Variants in TRAP1 observed in about 807,000 individuals in gnomAD.
TRAP1 encodes heat shock protein 75 kDa, mitochondrial.
A neutral mutation model predicts 89.1 loss-of-function variants in TRAP1; 102 were observed. The ratio of observed to expected loss-of-function variants is 1.15; its 90% CI spans 0.98 to 1.35. The LOEUF is 1.35. Among genes scored for constraint, TRAP1 ranks in the 40% most tolerant of loss-of-function variants. The pLI is 0.00. For synonymous variants in TRAP1, 508 were observed against 388.0 expected, an observed-to-expected ratio of 1.31 and a Z score of -3.64; for missense variants, 1,256 against 945.3, an observed-to-expected ratio of 1.33 and a Z score of -4.31.
At chr16:3,662,490 TGGG>T in intron 15 of TRAP1, 3 of 519,156 alleles carry the variant, frequency 5.8e-6, no homozygotes, top group Non-Finnish European at 1.1e-5. Context: ...GACAGGTTGG[TGGG>T]GGGAGTCTTA....
intron 11 of TRAP1, among the ~76,000 whole-genome samples, chr16:3,670,440 C>G (rs1209630765): frequency 6.8e-6 from 1 of 147,168 alleles, no homozygotes; most frequent in Non-Finnish European, 1.5e-5. Flanking sequence ...GTGGCTCATG[C>G]CTGGAATCCC....
intron 8 of TRAP1, 109 bp downstream of exon 8, chr16:3,675,215 G>C (rs1305179598): frequency 9.7e-7 from 1 of 1,035,800 alleles, no homozygotes; most frequent in Admixed American, 2.1e-5. Context: ...AGAGCAGCTC[G>C]CCCTGTGACT....
chr16:3,707,076 T>C (rs1168004478), intron 1 of TRAP1, among the ~76,000 whole-genome samples: 2 of 152,126 alleles, frequency 1.3e-5, no homozygotes, highest in Non-Finnish European at 2.9e-5. Context: ...AATTTTTAAT[T>C]ATAGCCACCC....
chr16:3,680,510 G>C (rs1431410412), intron 4 of TRAP1, among the ~76,000 whole-genome samples: 1 of 152,252 alleles, frequency 6.6e-6, no homozygotes, highest in Non-Finnish European at 1.5e-5. Flanking sequence ...CCAGGAAGCA[G>C]GTGTTGGGAA....
Position 3,663,424 on chromosome 16 carries a change from C to T in TRAP1, c.1708G>A (p.Ala570Thr). The T allele has an allele frequency of 6.2e-7, 1 of 1,614,072 alleles. No homozygotes were observed. Among genetic ancestry groups the T allele is most frequent in the Non-Finnish European group, 8.5e-7 (1 of 1,179,984 alleles). The change falls in exon 14 of 18, where the codon GCC (alanine) becomes ACC (threonine). Residue 570 changes from alanine to threonine, a missense_variant and splice_region_variant. Transcript: ENST00000246957. ...CGCCTAGAGAGCAGGGGATGCCGAC[C>T]TGGGGACCTGTCCTCAAACTTCTCC... is the stretch of plus-strand genomic sequence containing the variant. ...KEEKFEDRSP[A>T]AECLSEKETE...
In TRAP1 at chr16:3,683,061, G is replaced by C. The variant is rs966885978; in HGVS notation, c.471+2935C>G. 2.0e-5 allele frequency among the ~76,000 whole-genome samples: 3 copies of C among 151,914 alleles called. No individual in the cohort carries two copies. In the East Asian group the frequency reaches 5.9e-4, roughly 30 times the overall value. On this transcript the variant is annotated intron_variant, in intron 4 of 17. Coordinates refer to ENST00000246957, the MANE Select transcript of TRAP1 (RefSeq NM_016292.3). ...CACATACCTGTAATCCCAGCTACTCGAGAGACTGAAGGCAAGAGAATTGCT... is the reference window on the plus strand; with the variant it reads ...CACATACCTGTAATCCCAGCTACTCCAGAGACTGAAGGCAAGAGAATTGCT...
rs149389478 is a variant in TRAP1 at position 3,698,380 on chromosome 16, G to A, written c.89-7395C>T. 2.7e-4 allele frequency among the ~76,000 whole-genome samples: 41 copies of A among 150,666 alleles called. No individual in the cohort carries two copies. In the East Asian group the frequency reaches 5.6e-3, roughly 20 times the overall value. ...AGGCTGCAGTGCAGGGCGCCATCTC[G>A]GCTCACTGCAAGCTCCGCCTCCCGG... On this transcript the variant is annotated intron_variant, in intron 1 of 17. Transcript: ENST00000246957.
intron 6 of TRAP1, 108 bp downstream of exon 6, chr16:3,677,390 G>A (rs1460275354): frequency 7.0e-7 from 1 of 1,434,094 alleles, no homozygotes; most frequent in South Asian, 1.2e-5. Flanking sequence ...CATATAAAAA[G>A]CCCAGAAAAT....
rs1292580223 is a variant in TRAP1 at position 3,694,564 on chromosome 16, C to T, written c.89-3579G>A. Among the ~76,000 whole-genome samples, 5 of 152,282 alleles carry T rather than the reference C, an allele frequency of 3.3e-5. No homozygotes were observed. In the South Asian group the frequency reaches 8.3e-4, roughly 25 times the overall value. ...TGTTGGCCAGGCTGGTCTCCAACTC[C>T]TGACCTCAAGTGATCTGCCCACCTT... On this transcript the variant is annotated intron_variant, in intron 1 of 17. Transcript: ENST00000246957.
In TRAP1 at chr16:3,672,704, G is replaced by A; in HGVS notation, c.1161C>T (p.Ile387=). The change falls in exon 10 of 18, where the codon ATC becomes ATT. Residue 387 remains isoleucine, a synonymous_variant. Coordinates refer to ENST00000246957, the MANE Select transcript of TRAP1 (RefSeq NM_016292.3). ...CACGGACTCTGAGCAGCGTACCTCGGATGAAGCGCAGCCACTTGGGCAGGA... is the reference window on the plus strand; with the variant it reads ...CACGGACTCTGAGCAGCGTACCTCGAATGAAGCGCAGCCACTTGGGCAGGA... ...TDILPKWLRF[I]RGVVDSEDIP... is the part of the protein sequence containing the mutation. The A allele has an allele frequency of 6.2e-7, 1 of 1,608,014 alleles. No homozygotes were observed. Among genetic ancestry groups the A allele is most frequent in the South Asian group, 1.1e-5 (1 of 89,742 alleles).
chr16:3,684,949 G>A (rs955188636), intron 4 of TRAP1, among the ~76,000 whole-genome samples: 3 of 152,258 alleles, frequency 2.0e-5, no homozygotes, highest in East Asian at 1.9e-4. Context: ...GAAGACAAAA[G>A]ACAAAACCAA....
chr16:3,689,762 C>A (rs2051188076), intron 2 of TRAP1: 1 of 152,396 alleles, frequency 6.6e-6, no homozygotes. Flanking sequence ...ATCACTTGAG[C>A]CAGGGAGGTC....
chr16:3,713,229 C>T (rs913001168), intron 1 of TRAP1, among the ~76,000 whole-genome samples: 8 of 152,208 alleles, frequency 5.3e-5, no homozygotes, highest in African/African-American at 9.6e-5. Context: ...ACACAAGACA[C>T]GGAAATCAAA....
At chr16:3,672,898 A>G in intron 9 of TRAP1, 78 bp from the exon 10 acceptor site, 1 of 1,524,954 alleles carries the variant, frequency 6.6e-7, no homozygotes, top group Non-Finnish European at 8.8e-7. Flanking sequence ...GGGGGCGGAC[A>G]CGATGAATCC....
chr16:3,716,122 G>A (rs1431255914), intron 1 of TRAP1, among the ~76,000 whole-genome samples: 1 of 152,204 alleles, frequency 6.6e-6, no homozygotes, highest in African/African-American at 2.4e-5. Context: ...CAAAGTGCTA[G>A]GATTACAGGC....
chr16:3,670,382 CAAAAAAAAAAAA>C (rs760902038), intron 11 of TRAP1, among the ~76,000 whole-genome samples: 31 of 22,844 alleles, frequency 1.4e-3, no homozygotes, highest in African/African-American at 2.7e-3. Context: ...GACTCCGTCT[CAAAAAAAAAAAA>C]AAAAAAAAAA....
At chr16:3,669,992 A>C (rs1204844786) in intron 11 of TRAP1, among the ~76,000 whole-genome samples, 1 of 152,142 alleles carries the variant, frequency 6.6e-6, no homozygotes, top group Non-Finnish European at 1.5e-5. Flanking sequence ...ATGATGTAGC[A>C]ATTAAAAGTG....
chr16:3,707,450 G>A (rs1208502349), intron 1 of TRAP1, among the ~76,000 whole-genome samples: 3 of 151,348 alleles, frequency 2.0e-5, no homozygotes, highest in Admixed American at 2.0e-4. Context: ...CTCCCAAAGT[G>A]CTAGGATTAC....
In TRAP1 at chr16:3,696,267, C is replaced by T. The variant is rs185333505; in HGVS notation, c.89-5282G>A. Among the ~76,000 whole-genome samples the T allele has an allele frequency of 2.6e-5, 4 of 152,236 alleles. No homozygotes were observed. The East Asian group carries it at 7.7e-4, about 29-fold the overall frequency. The stretch of plus-strand genomic sequence containing the variant: ...GAGCACACAGAGGAGCCTAGGACAC[C>T]CAGTGGTGTGCAGAAGGACGAGAAA... On this transcript the variant is annotated intron_variant, in intron 1 of 17. Transcript: ENST00000246957.
Sources: gnomAD v4.1 joint callset for allele counts (sites outside exome capture counted in the v4.1 genomes callset) on GRCh38, gnomAD v4.1.1 for gene constraint, MANE v1.5 for transcripts, NCBI Gene and HGNC (gene_info 2026-07-23, HGNC 2026-07-21) for gene names.